The following ZNF430 variants were observed in gnomAD, a reference collection of about 807,000 sequenced individuals.
ZNF430 encodes zinc finger protein 430.
In ZNF430, 35 loss-of-function variants were observed where a neutral mutation model predicts 56.7. The ratio of observed to expected loss-of-function variants is 0.62; its 90% CI spans 0.47 to 0.82. ZNF430 has a LOEUF of 0.82. ZNF430 is among the 40% of genes least tolerant of loss of function. The pLI, the probability that ZNF430 is intolerant of heterozygous loss-of-function variation, is 0.00. For missense variants in ZNF430, 574 were observed against 661.0 expected, an observed-to-expected ratio of 0.87 and a Z score of 1.44; for synonymous variants, 212 against 224.3, an observed-to-expected ratio of 0.94 and a Z score of 0.49.
chr19:21,022,786 T>G lies in ZNF430; in HGVS notation c.4-3T>G. On this transcript the variant is annotated splice_polypyrimidine_tract_variant and splice_region_variant and intron_variant, in intron 1 of 4. Coordinates refer to ENST00000261560, the MANE Select transcript of ZNF430 (RefSeq NM_025189.4). ...TCAGCTTCTGGGTTATTTTCTCCCA[T>G]AGGAGAACCTGAAGTCTGGAGTGTA... 1 of 1,606,328 alleles carries G rather than the reference T, an allele frequency of 6.2e-7. No homozygotes were observed. The highest frequency in any genetic ancestry group is 8.5e-7 in the Non-Finnish European group (1 of 1,172,918).
intron 2 of ZNF430, among the ~76,000 whole-genome samples, chr19:21,025,374 A>T (rs1312528311): frequency 6.6e-6 from 1 of 152,086 alleles, no homozygotes; most frequent in Non-Finnish European, 1.5e-5. Flanking sequence ...CTCTCATCCC[A>T]TCTTGGTTTT....
At chr19:21,034,976 T>A (rs1475820125) in intron 4 of ZNF430, 4 of 152,212 alleles carry the variant, frequency 2.6e-5, no homozygotes, top group Non-Finnish European at 5.9e-5. Flanking sequence ...TCTCGAAATA[T>A]AGTTTGAAAT....
In ZNF430 at chr19:21,042,554, C is replaced by T. The variant is rs567154121; in HGVS notation, c.322+8370C>T. Among the ~76,000 whole-genome samples, 49 of 152,164 alleles carry T rather than the reference C, an allele frequency of 3.2e-4. 1 individual carries two copies. The highest frequency in any genetic ancestry group is 9.4e-4 in the African/African-American group (39 of 41,518). ...TGTAATCCCAGCACTTTGGGGGTGC[C>T]GAGGCAGGAGGATCACAAGGTCAGG... On this transcript the variant is annotated intron_variant, in intron 4 of 4. Transcript: ENST00000261560.
At chr19:21,032,566 A>G (rs1349630704) in intron 2 of ZNF430, among the ~76,000 whole-genome samples, 2 of 152,094 alleles carry the variant, frequency 1.3e-5, no homozygotes, top group Non-Finnish European at 2.9e-5. Context: ...CGTCTTTACT[A>G]AAAATACAAA....
intron 2 of ZNF430, among the ~76,000 whole-genome samples, chr19:21,027,596 T>G (rs1334559981): frequency 6.6e-6 from 1 of 152,058 alleles, no homozygotes; most frequent in East Asian, 1.9e-4. Context: ...GGCTTGAAGT[T>G]TTCTTTTTTT....
rs781478315 is a variant in ZNF430, at chr19:21,022,126, T to C, written c.4-663T>C. Among the ~76,000 whole-genome samples, 33 of 152,190 alleles carry C rather than the reference T, an allele frequency of 2.2e-4. No homozygotes were observed. The South Asian group carries it at 3.1e-3, about 14-fold the overall frequency. On this transcript the variant is annotated intron_variant, in intron 1 of 4. Transcript: ENST00000261560. ...ATGCTGGGATTACAGGCGTGAGCTATCACGCCCAGCCACGTTAGATCTTTT... is the reference window on the plus strand; with the variant it reads ...ATGCTGGGATTACAGGCGTGAGCTACCACGCCCAGCCACGTTAGATCTTTT...
In ZNF430 at chr19:21,057,324, A is replaced by G. The variant is rs1224679431; in HGVS notation, c.1016A>G (p.His339Arg). Residue 339 changes from histidine to arginine, a missense_variant, in exon 5 of 5, where the codon CAT (histidine) becomes CGT (arginine). Physicochemically the swap from His to Arg is conservative, Grantham distance 29. Transcript: ENST00000261560. ...SSHLTTHKII[H>R]TGEKPYKCEE... ...CACCTTACTACACATAAGATTATTC[A>G]TACTGGAGAGAAACCCTACAAATGT... 3 of 1,613,540 alleles carry G rather than the reference A, an allele frequency of 1.9e-6. No homozygotes were observed. In the African/African-American group the frequency reaches 4.0e-5, roughly 21 times the overall value.
At chr19:21,026,100 C>T (rs1320419408) in intron 2 of ZNF430, 3 of 235,236 alleles carry the variant, frequency 1.3e-5, no homozygotes, top group Non-Finnish European at 2.5e-5. Context: ...GGATGGTCTC[C>T]GTCTCTTGAC....
At chr19:21,040,139 G>T (rs898587826) in intron 4 of ZNF430, among the ~76,000 whole-genome samples, 1 of 152,136 alleles carries the variant, frequency 6.6e-6, no homozygotes, top group African/African-American at 2.4e-5. Flanking sequence ...CTCCCAGGTG[G>T]TATTCTTTAA....
intron 4 of ZNF430, among the ~76,000 whole-genome samples, chr19:21,054,917 A>C (rs1968346940): frequency 6.6e-6 from 1 of 151,174 alleles, no homozygotes; most frequent in Admixed American, 6.6e-5. Flanking sequence ...CTCGTGATGC[A>C]CCTGTCTCAG....
rs1267469069 is a variant in ZNF430 at position 21,057,741 on chromosome 19, T to C, written c.1433T>C (p.Ile478Thr). Reference protein sequence around the residue: ...RSPKLTAHKVIHSGEKPYKCE... With the variant: ...RSPKLTAHKVTHSGEKPYKCE... The stretch of plus-strand genomic sequence containing the variant: ...CCAAAACTTACTGCACATAAGGTAA[T>C]TCATTCTGGAGAGAAACCCTACAAA... The change falls in exon 5 of 5, where the codon ATT (isoleucine) becomes ACT (threonine). Residue 478 changes from isoleucine (I) to threonine (T), a missense_variant. Transcript: ENST00000261560. 1 of 1,605,376 alleles carries C rather than the reference T, an allele frequency of 6.2e-7. No individual in the cohort carries two copies. Among genetic ancestry groups the C allele is most frequent in the East Asian group, 2.3e-5 (1 of 44,266 alleles).
At chr19:21,027,604 T>A (rs1967828117) in intron 2 of ZNF430, among the ~76,000 whole-genome samples, 2 of 152,126 alleles carry the variant, frequency 1.3e-5, no homozygotes, top group South Asian at 4.1e-4. Flanking sequence ...GTTTTCTTTT[T>A]TTTTTAATCT....
At chr19:21,046,188 A>G (rs371957870) in intron 4 of ZNF430, among the ~76,000 whole-genome samples, 24 of 152,082 alleles carry the variant, frequency 1.6e-4, no homozygotes, top group South Asian at 4.2e-4. Flanking sequence ...CTGTCATGGT[A>G]GTGCTCATCT....
intron 4 of ZNF430, among the ~76,000 whole-genome samples, chr19:21,044,991 T>C (rs1023826427): frequency 6.6e-6 from 1 of 152,180 alleles, no homozygotes; most frequent in Admixed American, 6.5e-5. Flanking sequence ...CTCTAGTTAG[T>C]GTTCTATTTT....
At chr19:21,031,667 C>T (rs1161788952) in intron 2 of ZNF430, among the ~76,000 whole-genome samples, 1 of 151,982 alleles carries the variant, frequency 6.6e-6, no homozygotes, top group Non-Finnish European at 1.5e-5. Flanking sequence ...TTTAAAGGAA[C>T]GTTCTCAAAA....
At chr19:21,024,848 G>A (rs904471752) in intron 2 of ZNF430, among the ~76,000 whole-genome samples, 2 of 152,008 alleles carry the variant, frequency 1.3e-5, no homozygotes, top group Non-Finnish European at 2.9e-5. Context: ...TTAGATCAGA[G>A]AATGTTTTAC....
chr19:21,053,580 G>C (rs912990914), intron 4 of ZNF430: 1 of 152,176 alleles, frequency 6.6e-6, no homozygotes, highest in African/African-American at 2.4e-5. Context: ...TTTTGCTAGA[G>C]ATGAGATTTC....
Position 21,034,202 on chromosome 19 carries a change from C to G in ZNF430, c.322+18C>G. On this transcript the variant is annotated intron_variant, in intron 4 of 4. Coordinates refer to ENST00000261560, the MANE Select transcript of ZNF430 (RefSeq NM_025189.4). ...ACCCCCAGGTAGGTGAGAGTGAACA[C>G]AACAGACGACATGAATGAGAGGTCC... 6.7e-7 allele frequency: 1 copy of G among 1,486,196 alleles called. No individual in the cohort carries two copies. Among genetic ancestry groups the G allele is most frequent in the Non-Finnish European group, 9.2e-7 (1 of 1,092,534 alleles). 92.1% of individuals were successfully genotyped at this position (1,486,196 alleles called of 1,614,324 possible).
intron 4 of ZNF430, chr19:21,034,539 CTTT>C (rs112328192): frequency 7.1e-5 from 11 of 155,122 alleles, no homozygotes; most frequent in African/African-American, 1.0e-4. Flanking sequence ...TTTTTTCTTT[CTTT>C]TTTTTTTTTT....
Sources: allele counts gnomAD v4.1 joint callset (sites outside exome capture counted in the v4.1 genomes callset), GRCh38; gene constraint gnomAD v4.1.1; transcripts MANE v1.5; gene names NCBI Gene and HGNC (gene_info 2026-07-23, HGNC 2026-07-21).